IMPA1: variants seen among roughly 807,000 people sequenced by gnomAD.
The protein encoded by IMPA1 is D-galactose 1-phosphate phosphatase.
A neutral mutation model predicts 34.9 loss-of-function variants in IMPA1; 21 were observed. The ratio of observed to expected loss-of-function variants is 0.60; its 90% CI spans 0.43 to 0.87. The LOEUF (loss-of-function observed/expected upper bound fraction) is 0.87. IMPA1 is among the 40% of genes least tolerant of loss of function. IMPA1 has a pLI of 0.00. For synonymous variants in IMPA1, 95 were observed against 104.4 expected (o/e 0.91, Z 0.55); for missense variants, 299 against 336.4 (o/e 0.89, Z 0.87).
At chr8:81,670,896 C>A (rs777026377) in intron 7 of IMPA1, 43 bp downstream of exon 7, 1 of 984,274 alleles carries the variant, frequency 1.0e-6, no homozygotes, top group Non-Finnish European at 1.5e-6. Context: ...TGCACACACA[C>A]ACGTATACAA....
At chr8:81,660,128 A>C (rs114982191) in intron 8 of IMPA1, among the ~76,000 whole-genome samples, 1,595 of 152,282 alleles carry the variant, frequency 0.01, 16 homozygotes, top group African/African-American at 0.034. Context: ...AGCTAAAAAA[A>C]ATTTTTTTAA....
rs1484339740 is a variant in IMPA1, at chr8:81,676,248, C to A, written c.334G>T (p.Ala112Ser). ...AAAAATCATACCTTTTTATTTACAG[C>A]AAAGCCAATTGAAACAGCTACAAAA... Reference protein sequence around the residue: ...FPFVAVSIGFAVNKKIEFGVV... With the variant: ...FPFVAVSIGFSVNKKIEFGVV... The change falls in exon 5 of 9, where the codon GCT becomes TCT. Residue 112 changes from alanine to serine, a missense_variant. Transcript: ENST00000256108. 2.2e-6 allele frequency: 3 copies of A among 1,349,552 alleles called. No homozygotes were observed. Among genetic ancestry groups the A allele is most frequent in the Non-Finnish European group, 3.0e-6 (3 of 988,744 alleles). 83.6% of individuals were successfully genotyped at this position (1,349,552 alleles called of 1,614,324 possible).
chr8:81,668,583 A>T (rs1485567670), intron 7 of IMPA1, among the ~76,000 whole-genome samples: 1 of 152,118 alleles, frequency 6.6e-6, no homozygotes. Context: ...AGAGAGTGAG[A>T]ACCCATCTCC....
chr8:81,667,689 C>T (rs946663479), intron 7 of IMPA1, among the ~76,000 whole-genome samples: 1 of 151,928 alleles, frequency 6.6e-6, no homozygotes, highest in Non-Finnish European at 1.5e-5. Context: ...GACCAGAATG[C>T]TAATAAAAAT....
chr8:81,671,165 T>G (rs971523498), intron 6 of IMPA1, 118 bp from the exon 7 acceptor site: 8 of 501,348 alleles, frequency 1.6e-5, no homozygotes, highest in Non-Finnish European at 2.8e-5. Context: ...TTTATAAGCA[T>G]TTAAATAATA....
intron 8 of IMPA1, 67 bp downstream of exon 8, chr8:81,660,449 T>A: frequency 6.7e-7 from 1 of 1,486,606 alleles, no homozygotes; most frequent in Non-Finnish European, 9.3e-7. Flanking sequence ...AAAAGTTTTT[T>A]AAATTCTACA....
Position 81,656,992 on chromosome 8 carries a change from C to T in IMPA1, c.*2359G>A, listed in dbSNP as rs897442876. On this transcript the variant is annotated 3_prime_UTR_variant, in exon 9 of 9. Coordinates refer to ENST00000256108, the MANE Select transcript of IMPA1 (RefSeq NM_005536.4). ...TTTATGTATGTATCTGTGTATGTAT[C>T]CACATGCAGAAAGATAATATACCCT... Among the ~76,000 whole-genome samples, 2 of 152,058 alleles carry T rather than the reference C, an allele frequency of 1.3e-5. No individual in the cohort carries two copies. The highest frequency in any genetic ancestry group is 2.4e-5 in the African/African-American group (1 of 41,406).
chr8:81,681,436 A>T (rs1295878062), intron 2 of IMPA1, 62 bp downstream of exon 2: 1 of 920,480 alleles, frequency 1.1e-6, no homozygotes, highest in Non-Finnish European at 1.8e-6. Context: ...ACAAGGCAAC[A>T]ACACAGTATA....
chr8:81,668,842 A>G (rs1263698603), intron 7 of IMPA1, among the ~76,000 whole-genome samples: 1 of 152,118 alleles, frequency 6.6e-6, no homozygotes, highest in Non-Finnish European at 1.5e-5. Context: ...ACAGGCCCAA[A>G]GGAGGGTAGA....
rs1163327207 is a variant in IMPA1, at chr8:81,686,267, G to A, written c.-40C>T. ...ACGGTCTCACCTTGAGTCGGAGGAC[G>A]TCCGGCTAGCTCTGTGAACGGTGTT... is the stretch of plus-strand genomic sequence containing the variant. On this transcript the variant is annotated 5_prime_UTR_variant, in exon 1 of 9. In the 5' UTR this introduces an upstream ATG that the reference lacks. Coordinates refer to ENST00000256108, the MANE Select transcript of IMPA1 (RefSeq NM_005536.4). The A allele has an allele frequency of 3.0e-6, 3 of 1,001,514 alleles. No individual in the cohort carries two copies. Among genetic ancestry groups the A allele is most frequent in the South Asian group, 4.2e-5 (1 of 23,852 alleles). 62.0% of individuals were successfully genotyped at this position (1,001,514 alleles called of 1,614,324 possible).
At chr8:81,662,434 C>CA (rs1806706189) in intron 7 of IMPA1, among the ~76,000 whole-genome samples, 1 of 152,156 alleles carries the variant, frequency 6.6e-6, no homozygotes, top group African/African-American at 2.4e-5. Context: ...AATGGTCTTA[C>CA]AATCAGCAAG....
intron 7 of IMPA1, among the ~76,000 whole-genome samples, chr8:81,666,020 TATA>T (rs1456040017): frequency 6.6e-6 from 1 of 152,158 alleles, no homozygotes; most frequent in Non-Finnish European, 1.5e-5. Flanking sequence ...GTGAGCATTT[TATA>T]ATGTTAAATG....
intron 1 of IMPA1, chr8:81,685,991 G>C (rs1807512316): frequency 6.2e-6 from 9 of 1,443,200 alleles, no homozygotes; most frequent in African/African-American, 4.4e-5. Context: ...CATAAAAAGG[G>C]GCAATTATTC....
At chr8:81,686,165 C>A (rs1807519836) in intron 1 of IMPA1, 87 bp downstream of exon 1, 4 of 944,554 alleles carry the variant, frequency 4.2e-6, no homozygotes, top group Non-Finnish European at 5.4e-6. Context: ...GCGCTCGCGC[C>A]CGCTCCTGAG....
rs1446613095 is a variant in IMPA1 at position 81,670,610 on chromosome 8, T to C, written c.566+329A>G. Among the ~76,000 whole-genome samples, 11 of 152,330 alleles carry C rather than the reference T, an allele frequency of 7.2e-5. No individual in the cohort carries two copies. The South Asian group carries it at 1.9e-3, about 26-fold the overall frequency. Reference sequence around the variant, plus strand: ...TGAAAACTTAAAGGAAGTAATTTCATAGGCTGTGGAAATGTTCCAGATCAA... The same window carrying C: ...TGAAAACTTAAAGGAAGTAATTTCACAGGCTGTGGAAATGTTCCAGATCAA... On this transcript the variant is annotated intron_variant, in intron 7 of 8. Coordinates refer to ENST00000256108, the MANE Select transcript of IMPA1 (RefSeq NM_005536.4).
At chr8:81,684,554 G>T (rs1481361295) in intron 1 of IMPA1, among the ~76,000 whole-genome samples, 1 of 109,538 alleles carries the variant, frequency 9.1e-6, no homozygotes, top group East Asian at 6.7e-4. Context: ...AGTATCTTTA[G>T]ATACTAATGT....
chr8:81,663,786 TC>T (rs1200691297), intron 7 of IMPA1, among the ~76,000 whole-genome samples: 1 of 152,224 alleles, frequency 6.6e-6, no homozygotes, highest in East Asian at 1.9e-4. Context: ...AGGCCTGTAA[TC>T]CCAGCACTTT....
chr8:81,679,320 TA>T (rs1807223299), intron 3 of IMPA1, 90 bp from the exon 4 acceptor site: 14 of 901,866 alleles, frequency 1.6e-5, no homozygotes, highest in Middle Eastern at 4.3e-4. Context: ...CAGAGTACTA[TA>T]AAACATAGCA....
intron 3 of IMPA1, 122 bp from the exon 4 acceptor site, chr8:81,679,352 G>C: frequency 1.5e-6 from 1 of 683,034 alleles, no homozygotes; most frequent in Non-Finnish European, 2.6e-6. Flanking sequence ...GGAGGTTCAC[G>C]CCTGTAATCC....
Sources: allele counts gnomAD v4.1 joint callset (sites outside exome capture counted in the v4.1 genomes callset), GRCh38; gene constraint gnomAD v4.1.1; transcripts MANE v1.5; gene names NCBI Gene and HGNC (gene_info 2026-07-23, HGNC 2026-07-21).